CNTNAP2: variants seen among roughly 807,000 people sequenced by gnomAD.
The protein encoded by CNTNAP2 is contactin associated protein 2.
A neutral mutation model predicts 155.2 loss-of-function variants in CNTNAP2; 98 were observed. The ratio of observed to expected loss-of-function variants is 0.63; its 90% CI spans 0.54 to 0.75. The LOEUF is 0.75. CNTNAP2 is among the 30% of genes least tolerant of loss of function. CNTNAP2 has a pLI of 0.00. For missense variants in CNTNAP2, 1,727 were observed against 1,688.1 expected (o/e 1.02, Z -0.40); for synonymous variants, 651 against 631.2 (o/e 1.03, Z -0.47).
intron 18 of CNTNAP2, 80 bp downstream of exon 18, chr7:148,172,558 T>C: frequency 8.2e-7 from 1 of 1,222,342 alleles, no homozygotes; most frequent in Non-Finnish European, 1.2e-6. Flanking sequence ...TTTTCATATG[T>C]AAACAAGTGT....
chr7:146,322,056 C>T (rs1216391535), intron 1 of CNTNAP2, among the ~76,000 whole-genome samples: 1 of 152,060 alleles, frequency 6.6e-6, no homozygotes, highest in African/African-American at 2.4e-5. Context: ...GGCCAGGCCA[C>T]ATGGAAATAA....
chr7:147,021,617 C>T (rs1030918596), intron 3 of CNTNAP2, among the ~76,000 whole-genome samples: 2 of 152,166 alleles, frequency 1.3e-5, no homozygotes, highest in African/African-American at 2.4e-5. Flanking sequence ...AAGGTTTCTC[C>T]AAATCAAGCT....
intron 1 of CNTNAP2, among the ~76,000 whole-genome samples, chr7:146,605,081 A>T (rs1304893113): frequency 7.8e-6 from 1 of 128,664 alleles, no homozygotes; most frequent in Non-Finnish European, 1.6e-5. Context: ...TAATAAAAAA[A>T]AACAACAAAA....
At chr7:147,531,597 C>T (rs370064157) in intron 11 of CNTNAP2, among the ~76,000 whole-genome samples, 6 of 152,264 alleles carry the variant, frequency 3.9e-5, no homozygotes, top group African/African-American at 9.6e-5. Flanking sequence ...CTAGGCTGCA[C>T]GTAGCACGGG....
intron 3 of CNTNAP2, among the ~76,000 whole-genome samples, chr7:146,934,091 G>A (rs1012586299): frequency 2.6e-5 from 4 of 152,004 alleles, no homozygotes; most frequent in African/African-American, 9.7e-5. Context: ...CTATTACTGG[G>A]TATATACCCA....
intron 3 of CNTNAP2, among the ~76,000 whole-genome samples, chr7:146,881,417 C>T (rs1562985446): frequency 6.6e-6 from 1 of 152,052 alleles, no homozygotes; most frequent in Non-Finnish European, 1.5e-5. Flanking sequence ...ACCCAGACAT[C>T]ATAAGAAGTC....
In CNTNAP2 at chr7:148,277,829, C is replaced by CAAA. The variant is rs36031492; in HGVS notation, c.3475+10712_3475+10714dup. On this transcript the variant is annotated intron_variant, in intron 21 of 23. Transcript: ENST00000361727. Reference sequence around the variant, plus strand: ...AAAAAAGCTTTGCTTTTACTTCCTACAAAAAAAAAAAGCACCATCTAACAA... The same window carrying CAAA: ...AAAAAAGCTTTGCTTTTACTTCCTACAAAAAAAAAAAAAAGCACCATCTAACAA... Among the ~76,000 whole-genome samples the CAAA allele has an allele frequency of 6.6e-4, 97 of 146,922 alleles. 3 individuals are homozygous for CAAA. The South Asian group carries it at 9.2e-3, about 14-fold the overall frequency.
At chr7:147,444,357 T>C (rs1279104970) in intron 10 of CNTNAP2, among the ~76,000 whole-genome samples, 1 of 152,136 alleles carries the variant, frequency 6.6e-6, no homozygotes, top group Non-Finnish European at 1.5e-5. Flanking sequence ...AGGTTTAAAA[T>C]AATTTTCTGT....
At chr7:146,998,480 G>A (rs1428658755) in intron 3 of CNTNAP2, among the ~76,000 whole-genome samples, 1 of 151,962 alleles carries the variant, frequency 6.6e-6, no homozygotes, top group African/African-American at 2.4e-5. Context: ...CCCTGTGCAA[G>A]TAAGAAGGAG....
At chr7:147,020,741 T>C (rs909159822) in intron 3 of CNTNAP2, among the ~76,000 whole-genome samples, 1 of 152,172 alleles carries the variant, frequency 6.6e-6, no homozygotes, top group African/African-American at 2.4e-5. Flanking sequence ...TTAAAAATAC[T>C]TTTTAAAATA....
intron 1 of CNTNAP2, among the ~76,000 whole-genome samples, chr7:146,269,740 C>A (rs1800050241): frequency 6.6e-6 from 1 of 152,036 alleles, no homozygotes; most frequent in Non-Finnish European, 1.5e-5. Context: ...TTATTAATTC[C>A]AACTAACTCT....
In CNTNAP2 at chr7:146,363,416, A is replaced by G. The variant is rs1438432206; in HGVS notation, c.97+246443A>G. Among the ~76,000 whole-genome samples the G allele has an allele frequency of 2.0e-5, 3 of 152,236 alleles. 1 individual carries two copies. The highest frequency in any genetic ancestry group is 4.4e-5 in the Non-Finnish European group (3 of 68,044). On this transcript the variant is annotated intron_variant, in intron 1 of 23. Transcript: ENST00000361727. The stretch of plus-strand genomic sequence containing the variant: ...GCACCATAAAATGGCACTTGAGTTC[A>G]TGGGAACAGATTATATTTTTCAGAG...
At chr7:147,996,963 C>A (rs541745166) in intron 15 of CNTNAP2, among the ~76,000 whole-genome samples, 1 of 152,058 alleles carries the variant, frequency 6.6e-6, no homozygotes, top group Non-Finnish European at 1.5e-5. Context: ...TGAGGCCACT[C>A]CCATTAATGG....
intron 8 of CNTNAP2, chr7:147,146,858 A>G (rs1801714486): frequency 6.6e-6 from 1 of 152,174 alleles, no homozygotes; most frequent in African/African-American, 2.4e-5. Context: ...CAATTCTGTC[A>G]ACTTATTAGC....
intron 10 of CNTNAP2, among the ~76,000 whole-genome samples, chr7:147,478,954 C>T (rs1194923306): frequency 6.6e-6 from 1 of 152,272 alleles, no homozygotes; most frequent in East Asian, 1.9e-4. Flanking sequence ...GCACAGGCCA[C>T]GTGAAGGAGG....
At chr7:146,653,311 A>G (rs1359146465) in intron 1 of CNTNAP2, among the ~76,000 whole-genome samples, 2 of 152,116 alleles carry the variant, frequency 1.3e-5, no homozygotes, top group African/African-American at 4.8e-5. Flanking sequence ...TAGTCATTGT[A>G]GTTTAATTTT....
intron 10 of CNTNAP2, among the ~76,000 whole-genome samples, chr7:147,458,440 C>T (rs1258630585): frequency 6.6e-6 from 1 of 152,066 alleles, no homozygotes; most frequent in Non-Finnish European, 1.5e-5. Context: ...TTTCATGTTG[C>T]TTCTCTCTAA....
chr7:146,785,738 A>T (rs1159075125), intron 2 of CNTNAP2, among the ~76,000 whole-genome samples: 1 of 152,390 alleles, frequency 6.6e-6, no homozygotes, highest in East Asian at 1.9e-4. Flanking sequence ...ATGAATATTC[A>T]GAGTCATTAG....
chr7:146,685,192 A>G (rs73166385), intron 1 of CNTNAP2, among the ~76,000 whole-genome samples: 1 of 152,156 alleles, frequency 6.6e-6, no homozygotes, highest in African/African-American at 2.4e-5. Context: ...TAAAAGAATG[A>G]CAACCTTTTA....
Sources: gnomAD v4.1 joint callset for allele counts (sites outside exome capture counted in the v4.1 genomes callset) on GRCh38, gnomAD v4.1.1 for gene constraint, MANE v1.5 for transcripts, NCBI Gene and HGNC (gene_info 2026-07-23, HGNC 2026-07-21) for gene names.